CNBD2: variants seen among roughly 807,000 people sequenced by gnomAD.
CNBD2 encodes cyclic nucleotide-binding domain-containing protein 2.
In CNBD2, 64 loss-of-function variants were observed where a neutral mutation model predicts 63.7. The ratio of observed to expected loss-of-function variants is 1.00; its 90% CI spans 0.82 to 1.24. The LOEUF (loss-of-function observed/expected upper bound fraction) is 1.24. Ranked by LOEUF, CNBD2 falls within the 50% of genes most tolerant of loss-of-function variation. CNBD2 has a pLI of 0.00. For missense variants in CNBD2, 691 were observed against 713.5 expected, an observed-to-expected ratio of 0.97 and a Z score of 0.36; for synonymous variants, 229 against 255.4, an observed-to-expected ratio of 0.90 and a Z score of 0.99.
chr20:36,001,475 C>T (rs1178544681), intron 8 of CNBD2, among the ~76,000 whole-genome samples: 227 of 135,540 alleles, frequency 1.7e-3, no homozygotes, highest in African/African-American at 4.2e-3. Flanking sequence ...CCAGACGGGG[C>T]GGCTGGCCGG....
intron 7 of CNBD2, 22 bp downstream of exon 7, chr20:35,987,555 A>ACT: frequency 6.2e-7 from 1 of 1,613,714 alleles, no homozygotes; most frequent in Non-Finnish European, 8.5e-7. Context: ...GGGGGTTGGG[A>ACT]TGAGGGTGAA....
Position 35,997,014 on chromosome 20 carries a change from T to C in CNBD2, c.970+1862T>C, listed in dbSNP as rs569350573. Among the ~76,000 whole-genome samples the C allele has an allele frequency of 3.9e-5, 6 of 152,324 alleles. No individual in the cohort carries two copies. In the South Asian group the frequency reaches 6.2e-4, roughly 16 times the overall value. Reference sequence around the variant, plus strand: ...GTTGTTGGACATAGACGTTGTCAAGTAGCAGCCTCTAGAACTGGCCAGGGT... The same window carrying C: ...GTTGTTGGACATAGACGTTGTCAAGCAGCAGCCTCTAGAACTGGCCAGGGT... On this transcript the variant is annotated intron_variant, in intron 8 of 11. Coordinates refer to ENST00000373973, the MANE Select transcript of CNBD2 (RefSeq NM_001365709.1).
At position 35,984,702 on chromosome 20, in the gene CNBD2, G is replaced by C; in HGVS notation, c.640G>C (p.Asp214His). The change falls in exon 6 of 12, where the codon GAC (aspartate) becomes CAC (histidine). Residue 214 changes from aspartate to histidine, a missense_variant. By Grantham distance (81) the Asp-to-His change is moderately conservative. Transcript: ENST00000373973. ...GGAAGAAACGGAGTTCCTGGTTGTTGACCGGGAGGACTTCTTTGCTAATAA... is the reference window on the plus strand; with the variant it reads ...GGAAGAAACGGAGTTCCTGGTTGTTCACCGGGAGGACTTCTTTGCTAATAA... ...CMEETEFLVV[D>H]REDFFANKLD... The C allele has an allele frequency of 6.2e-7, 1 of 1,614,104 alleles. No individual in the cohort carries two copies. The highest frequency in any genetic ancestry group is 1.1e-5 in the South Asian group (1 of 91,080).
intron 4 of CNBD2, 67 bp downstream of exon 4, chr20:35,980,689 A>G (rs993472204): frequency 9.3e-6 from 14 of 1,512,722 alleles, no homozygotes; most frequent in African/African-American, 2.7e-5. Context: ...CCTGGCTGAG[A>G]AGGTGTGGCA....
At position 36,026,837 on chromosome 20, in the gene CNBD2, G is replaced by A. The variant is rs138681811; in HGVS notation, c.1439+3066G>A. ...TCTCTACACAGCTCTGTCATTGACCGTATCGTGTTGTCATACAGTTACCTG... is the reference window on the plus strand; with the variant it reads ...TCTCTACACAGCTCTGTCATTGACCATATCGTGTTGTCATACAGTTACCTG... On this transcript the variant is annotated intron_variant, in intron 11 of 11. Transcript: ENST00000373973. Among the ~76,000 whole-genome samples the A allele has an allele frequency of 3.3e-5, 5 of 152,266 alleles. No homozygotes were observed. In the South Asian group the frequency reaches 6.2e-4, roughly 19 times the overall value.
At chr20:36,019,296 AAGG>A (rs1285222305) in intron 10 of CNBD2, among the ~76,000 whole-genome samples, 1 of 151,942 alleles carries the variant, frequency 6.6e-6, no homozygotes, top group African/African-American at 2.4e-5. Flanking sequence ...GAGGCCAAGG[AAGG>A]AGGATGGCTG....
At chr20:35,958,130 T>G (rs1568836269), downstream of CNBD2, among the ~76,000 whole-genome samples, 2 of 152,174 alleles carry the variant, frequency 1.3e-5, no homozygotes, top group Non-Finnish European at 2.9e-5. Flanking sequence ...GGAGAATACG[T>G]CTTTTAAAAA....
rs763002053 is a variant in CNBD2 at position 35,972,697 on chromosome 20, C to T, written c.120C>T (p.Leu40=). ...TGTGTAAAATGTTCCGCCAAGGCCT[C>T]AGGGGATTCCGGGAATATCAAATCA... is the stretch of plus-strand genomic sequence containing the variant. ...IRVCKMFRQG[L]RGFREYQIIE... The change falls in exon 2 of 12, where the codon CTC becomes CTT. Residue 40 remains leucine, a synonymous_variant. Transcript: ENST00000373973. The T allele has an allele frequency of 1.2e-4, 196 of 1,614,066 alleles. 1 individual carries two copies. The Middle Eastern group carries it at 2.1e-3, about 18-fold the overall frequency.
At chr20:35,988,121 C>G (rs559920960) in intron 7 of CNBD2, among the ~76,000 whole-genome samples, 1 of 152,094 alleles carries the variant, frequency 6.6e-6, no homozygotes, top group Non-Finnish European at 1.5e-5. Flanking sequence ...CTGCCTGCCT[C>G]GGCCTCCCAA....
intron 10 of CNBD2, among the ~76,000 whole-genome samples, chr20:36,013,204 A>G (rs1411338421): frequency 1.3e-5 from 2 of 152,022 alleles, no homozygotes; most frequent in Non-Finnish European, 2.9e-5. Context: ...GGATCACGAG[A>G]TCAGGAGATT....
At chr20:36,018,525 G>T (rs528604987) in intron 10 of CNBD2, among the ~76,000 whole-genome samples, 2 of 152,322 alleles carry the variant, frequency 1.3e-5, no homozygotes, top group South Asian at 4.1e-4. Flanking sequence ...CTGTGTTGAG[G>T]CCCTGGCTTC....
chr20:35,982,328 T>G (rs1250108597), intron 4 of CNBD2, among the ~76,000 whole-genome samples: 2 of 152,170 alleles, frequency 1.3e-5, no homozygotes. Flanking sequence ...AATCCAAACT[T>G]AGCTGAGCTT....
intron 2 of CNBD2, among the ~76,000 whole-genome samples, chr20:35,960,961 C>T (rs897394380): frequency 1.2e-4 from 18 of 150,768 alleles, no homozygotes; most frequent in African/African-American, 4.4e-4. Flanking sequence ...TCTTTCCTCT[C>T]GCTCTGTCAC....
chr20:36,006,794 C>T (rs772993863), intron 8 of CNBD2, among the ~76,000 whole-genome samples: 16 of 152,160 alleles, frequency 1.1e-4, no homozygotes, highest in South Asian at 2.1e-4. Context: ...TCCCTTGTGC[C>T]GCCTCCCAGT....
intron 2 of CNBD2, 73 bp from the exon 3 acceptor site, chr20:35,975,876 G>T: frequency 7.3e-7 from 1 of 1,364,762 alleles, no homozygotes; most frequent in South Asian, 1.2e-5. Context: ...AGGTAGACAG[G>T]AGGGCTCTAG....
chr20:36,008,274 T>A, intron 8 of CNBD2, 23 bp from the exon 9 acceptor site: 2 of 1,582,946 alleles, frequency 1.3e-6, no homozygotes, highest in Non-Finnish European at 1.7e-6. Flanking sequence ...CATAAGTATC[T>A]TTTCCTGTGC....
intron 8 of CNBD2, among the ~76,000 whole-genome samples, chr20:35,998,476 T>A (rs2056855557): frequency 6.6e-6 from 1 of 152,250 alleles, no homozygotes; most frequent in African/African-American, 2.4e-5. Flanking sequence ...CTTGCTGTTT[T>A]GGGGTGCAGT....
chr20:35,973,147 GTT>G (rs1044148421), intron 2 of CNBD2: 2 of 336,548 alleles, frequency 5.9e-6, no homozygotes, highest in Non-Finnish European at 1.1e-5. Context: ...TCATCAAAGA[GTT>G]TAAGTCACTC....
At chr20:35,984,812 T>G (rs1312702605) in intron 6 of CNBD2, 34 bp downstream of exon 6, 2 of 1,610,436 alleles carry the variant, frequency 1.2e-6, no homozygotes, top group South Asian at 1.1e-5. Context: ...TTTTTTCCCC[T>G]TGTGTGTTTA....
Sources: allele counts gnomAD v4.1 joint callset (sites outside exome capture counted in the v4.1 genomes callset), GRCh38; gene constraint gnomAD v4.1.1; transcripts MANE v1.5; gene names NCBI Gene and HGNC (gene_info 2026-07-23, HGNC 2026-07-21).